Variants in C5 observed in about 807,000 individuals in gnomAD.
The protein encoded by C5 is complement C5, also known as C3 and PZP-like alpha-2-macroglobulin domain-containing protein 4.
Under a neutral mutation model 218.8 loss-of-function variants are expected in C5, and 140 were observed. That is an observed-to-expected ratio of 0.64 (90% CI 0.56 to 0.74). The LOEUF is 0.74. Ranked by LOEUF, C5 falls within the 30% of genes least tolerant of loss-of-function variation. The pLI is 0.00. For synonymous variants in C5, 614 were observed against 682.3 expected (o/e 0.90, Z 1.56); for missense variants, 1,700 against 1,969.6 (o/e 0.86, Z 2.59).
At chr9:121,046,483 C>T (rs566954575) in intron 1 of C5, 100 bp from the exon 2 acceptor site, 37 of 790,342 alleles carry the variant, frequency 4.7e-5, no homozygotes, top group Admixed American at 1.8e-4. Flanking sequence ...ATTTAAAATA[C>T]ATATATTTCC....
In C5 at chr9:120,963,703, G is replaced by T. The variant is rs1433178936; in HGVS notation, c.4256C>A (p.Ser1419Tyr). The change falls in exon 34 of 41, where the codon TCC becomes TAC. Residue 1419 changes from serine (S) to tyrosine (Y), a missense_variant. Coordinates refer to ENST00000223642, the MANE Select transcript of C5 (RefSeq NM_001735.3). ...GGAGATGTCCATCACCGCATGAGAG[G>T]ATCCAGATGATGATTCTTCCCTGCT... ...KPSREESSSGSSHAVMDISLP... is the reference protein window; with the variant it reads ...KPSREESSSGYSHAVMDISLP... The T allele has an allele frequency of 6.2e-7, 1 of 1,613,596 alleles. No homozygotes were observed. Among genetic ancestry groups the T allele is most frequent in the Non-Finnish European group, 8.5e-7 (1 of 1,179,728 alleles).
the C5 span, among the ~76,000 whole-genome samples, chr9:121,068,219 T>G: frequency 6.6e-6 from 1 of 152,206 alleles, no homozygotes; most frequent in African/African-American, 2.4e-5. Context: ...GACATAATTC[T>G]ATATGTAGAA....
At chr9:121,066,333 A>AG in the C5 span, among the ~76,000 whole-genome samples, 1 of 125,084 alleles carries the variant, frequency 8.0e-6, no homozygotes, top group African/African-American at 2.8e-5. Flanking sequence ...AAAAAAAAAA[A>AG]GGTATACATC....
chr9:120,981,982 T>C, intron 26 of C5, 43 bp from the exon 27 acceptor site: 1 of 1,332,484 alleles, frequency 7.5e-7, no homozygotes, highest in Non-Finnish European at 1.1e-6. Flanking sequence ...AAATGGTGTC[T>C]TTAAGGCGAA....
chr9:121,036,106 C>T (rs895263930), intron 4 of C5, among the ~76,000 whole-genome samples: 20 of 152,040 alleles, frequency 1.3e-4, no homozygotes, highest in African/African-American at 4.3e-4. Flanking sequence ...AAAATCTTAG[C>T]ACCATTTACC....
At chr9:120,973,910 T>C (rs1402791110) in intron 30 of C5, among the ~76,000 whole-genome samples, 2 of 151,922 alleles carry the variant, frequency 1.3e-5, no homozygotes, top group African/African-American at 4.8e-5. Context: ...ACCCAGGAGG[T>C]TGCAGTGAGC....
intron 12 of C5, among the ~76,000 whole-genome samples, chr9:121,018,794 GAAGGAAGA>G (rs1298635462): frequency 6.9e-6 from 1 of 145,182 alleles, no homozygotes; most frequent in Non-Finnish European, 1.5e-5. Flanking sequence ...AGGAAGGAAG[GAAGGAAGA>G]AAGAGTGAGT....
chr9:121,065,572 C>T, the C5 span, among the ~76,000 whole-genome samples: 1 of 152,182 alleles, frequency 6.6e-6, no homozygotes, highest in Admixed American at 6.5e-5. Flanking sequence ...CTCACTGCAG[C>T]CTCGAATCGC....
At chr9:121,065,076 T>A in the C5 span, among the ~76,000 whole-genome samples, 124 of 10,486 alleles carry the variant, frequency 0.012, no homozygotes, top group East Asian at 0.21. Flanking sequence ...TCTAAAAAAA[T>A]ATATATATAT....
At chr9:121,025,419 TAC>T (rs1173632890) in intron 9 of C5, 33 bp downstream of exon 9, 1,946 of 1,433,026 alleles carry the variant, frequency 1.4e-3, no homozygotes, top group African/African-American at 8.1e-3. Flanking sequence ...AAAGAAAGTA[TAC>T]ACACACACAC....
the C5 span, among the ~76,000 whole-genome samples, chr9:121,073,531 T>G: frequency 6.8e-6 from 1 of 148,074 alleles, no homozygotes; most frequent in African/African-American, 2.5e-5. Flanking sequence ...TTTTTTTTTT[T>G]TTTGAGATGG....
At chr9:121,055,627 G>C in the C5 span, among the ~76,000 whole-genome samples, 4 of 152,166 alleles carry the variant, frequency 2.6e-5, no homozygotes, top group Admixed American at 2.0e-4. Context: ...GGCCCATCCT[G>C]GGTCAGAAGG....
Position 120,957,340 on chromosome 9 carries a change from A to G in C5, c.4707T>C (p.Thr1569=). ...TGTACTTGACAAAAACATTTTCTAC[A>G]GTGATGGATGTGATGCTAACTTTAT... ...YAYKVSITSI[T]VENVFVKYKA... is the part of the protein sequence containing the mutation. The change falls in exon 39 of 41, where the codon ACT becomes ACC. Residue 1569 remains threonine, a synonymous_variant. Transcript: ENST00000223642. The G allele has an allele frequency of 6.2e-6, 10 of 1,613,164 alleles. No homozygotes were observed. Among genetic ancestry groups the G allele is most frequent in the Non-Finnish European group, 8.5e-6 (10 of 1,179,332 alleles).
rs746776517 is a variant in C5, at chr9:121,023,427, G to A, written c.1093C>T (p.Pro365Ser). Residue 365 changes from proline to serine, a missense_variant, in exon 10 of 41, where the codon CCT becomes TCT. Transcript: ENST00000223642. The stretch of plus-strand genomic sequence containing the variant: ...ACCTTGATGGGATATGGAATCCCAG[G>A]CTTCAGGAAAAGAGGAGTAGCAACC... The part of the protein sequence containing the change: ...NLVATPLFLK[P>S]GIPYPIKVQV... 1.9e-6 allele frequency: 3 copies of A among 1,610,468 alleles called. No homozygotes were observed. The highest frequency in any genetic ancestry group is 2.5e-6 in the Non-Finnish European group (3 of 1,176,670).
chr9:121,028,549 A>AGG (rs2047445263), intron 7 of C5, among the ~76,000 whole-genome samples: 1 of 152,196 alleles, frequency 6.6e-6, no homozygotes, highest in Non-Finnish European at 1.5e-5. Flanking sequence ...TTGCAGGGAC[A>AGG]TGGATGAAGC....
At chr9:121,038,334 G>T (rs1231686155) in intron 3 of C5, among the ~76,000 whole-genome samples, 3 of 152,160 alleles carry the variant, frequency 2.0e-5, no homozygotes, top group Non-Finnish European at 4.4e-5. Context: ...TTATAGAGGA[G>T]CATAATATAT....
At chr9:121,003,569 C>G (rs1478629847) in intron 20 of C5, among the ~76,000 whole-genome samples, 1 of 152,084 alleles carries the variant, frequency 6.6e-6, no homozygotes, top group Non-Finnish European at 1.5e-5. Flanking sequence ...ATCATTTTAT[C>G]AATGAGGACT....
intron 38 of C5, among the ~76,000 whole-genome samples, 180 bp downstream of exon 38, chr9:120,960,068 C>A (rs2046815456): frequency 7.0e-6 from 1 of 143,636 alleles, no homozygotes; most frequent in Non-Finnish European, 1.5e-5. Flanking sequence ...AATCACATTT[C>A]TTTGCTGAGG....
intron 22 of C5, among the ~76,000 whole-genome samples, chr9:120,994,753 G>C (rs948264498): frequency 6.6e-6 from 1 of 152,094 alleles, no homozygotes; most frequent in African/African-American, 2.4e-5. Flanking sequence ...GAGAAGATTG[G>C]AAAGAGGCAC....
Sources: gnomAD v4.1 joint callset for allele counts (sites outside exome capture counted in the v4.1 genomes callset) on GRCh38, gnomAD v4.1.1 for gene constraint, MANE v1.5 for transcripts, NCBI Gene and HGNC (gene_info 2026-07-23, HGNC 2026-07-21) for gene names.